The following PDE7B variants were observed in gnomAD, a reference collection of about 807,000 sequenced individuals.
The protein encoded by PDE7B is 3',5'-cyclic-AMP phosphodiesterase 7B.
PDE7B carries 29 observed loss-of-function variants against 56.2 expected under a neutral mutation model. That is an observed-to-expected ratio of 0.52 (90% CI 0.38 to 0.70). The LOEUF (loss-of-function observed/expected upper bound fraction) is 0.70, where lower values mean the gene tolerates loss of function less well. Among genes scored for constraint, PDE7B ranks in the 30% least tolerant of loss-of-function variants. The probability of loss-of-function intolerance (pLI) is 0.00; values close to 1 mark genes in which losing one functional copy is unlikely to be tolerated. For missense variants in PDE7B, 490 were observed against 565.0 expected, an observed-to-expected ratio of 0.87 and a Z score of 1.35; for synonymous variants, 197 against 196.9, an observed-to-expected ratio of 1.00 and a Z score of 0.00.
intron 1 of PDE7B, among the ~76,000 whole-genome samples, chr6:135,863,229 A>G (rs1408360373): frequency 6.6e-6 from 1 of 151,990 alleles, no homozygotes; most frequent in Non-Finnish European, 1.5e-5. Flanking sequence ...TCTATTACTG[A>G]AAGAGGTATA....
chr6:136,173,473 ACTTT>A (rs1271593016), intron 8 of PDE7B, among the ~76,000 whole-genome samples: 1 of 152,196 alleles, frequency 6.6e-6, no homozygotes, highest in African/African-American at 2.4e-5. Context: ...TCACTGCTTC[ACTTT>A]CTTTCTTACA....
At position 136,193,985 on chromosome 6, in the gene PDE7B, T is replaced by TC; in HGVS notation, c.*2146dup. 1 of 152,308 alleles carries TC rather than the reference T, an allele frequency of 6.6e-6. No homozygotes were observed. The highest frequency in any genetic ancestry group is 2.4e-5 in the African/African-American group (1 of 41,578). The allele number at this position is 152,308 out of a possible 1,614,324, so 9.4% of individuals were successfully genotyped here. A position where few individuals can be genotyped will look rare whatever the true frequency, so the allele number is the denominator to read the frequency against. ...TTAACACTAGCTTTGTATTTTTTTT[T>TC]CTGTAAAACTGTGAACTGATATATT... On this transcript the variant is annotated 3_prime_UTR_variant, in exon 13 of 13. Transcript: ENST00000308191.
intron 2 of PDE7B, among the ~76,000 whole-genome samples, chr6:136,010,987 T>C (rs1180303279): frequency 2.6e-5 from 4 of 152,174 alleles, no homozygotes; most frequent in African/African-American, 9.6e-5. Flanking sequence ...TGCTCTCTAG[T>C]CAACTGTTGA....
At chr6:136,007,975 C>A in intron 2 of PDE7B, among the ~76,000 whole-genome samples, 1 of 151,100 alleles carries the variant, frequency 6.6e-6, no homozygotes, top group Non-Finnish European at 1.5e-5. Context: ...TAATGCTATC[C>A]CTCCCCCATC....
intron 2 of PDE7B, among the ~76,000 whole-genome samples, chr6:136,072,340 G>A (rs1202612220): frequency 6.6e-6 from 1 of 152,128 alleles, no homozygotes. Context: ...ATAGCTCATG[G>A]CATAGCTGAT....
intron 2 of PDE7B, among the ~76,000 whole-genome samples, chr6:136,007,484 A>G (rs1235607203): frequency 2.0e-5 from 3 of 152,044 alleles, no homozygotes; most frequent in African/African-American, 7.2e-5. Context: ...TTGGTATAAC[A>G]TACAGGAAGG....
At chr6:135,949,800 C>T (rs1345222082) in intron 2 of PDE7B, among the ~76,000 whole-genome samples, 2 of 151,920 alleles carry the variant, frequency 1.3e-5, no homozygotes, top group African/African-American at 4.8e-5. Context: ...TTTCAGGACA[C>T]ATAGGAATAA....
chr6:135,885,132 A>G (rs1775679435), intron 1 of PDE7B, among the ~76,000 whole-genome samples: 1 of 151,926 alleles, frequency 6.6e-6, no homozygotes, highest in South Asian at 2.1e-4. Context: ...ATTCTTCTCT[A>G]TTTCAGAGTC....
intron 1 of PDE7B, among the ~76,000 whole-genome samples, chr6:135,881,416 G>A (rs1412988945): frequency 3.7e-4 from 57 of 152,112 alleles, no homozygotes; most frequent in Non-Finnish European, 7.4e-5. Context: ...GCTGAGGCAG[G>A]AGAATCACTT....
intron 3 of PDE7B, among the ~76,000 whole-genome samples, chr6:136,138,217 T>C (rs962657696): frequency 1.3e-5 from 2 of 152,120 alleles, no homozygotes; most frequent in African/African-American, 4.8e-5. Context: ...ATCATTTACG[T>C]TTCTACCCAG....
At chr6:135,899,032 G>C (rs749477811) in intron 1 of PDE7B, among the ~76,000 whole-genome samples, 1 of 152,094 alleles carries the variant, frequency 6.6e-6, no homozygotes, top group Non-Finnish European at 1.5e-5. Context: ...TCATGGTAGT[G>C]AATAAGTCTC....
chr6:136,113,346 T>C (rs1257114628), intron 3 of PDE7B, among the ~76,000 whole-genome samples: 1 of 152,228 alleles, frequency 6.6e-6, no homozygotes, highest in African/African-American at 2.4e-5. Flanking sequence ...AGAAAATCAT[T>C]TTCATAAGAG....
At chr6:136,179,494 C>T (rs1291397081) in intron 10 of PDE7B, among the ~76,000 whole-genome samples, 1 of 152,116 alleles carries the variant, frequency 6.6e-6, no homozygotes, top group African/African-American at 2.4e-5. Context: ...ATAAGTGGTT[C>T]CCAACTAAGC....
At chr6:135,924,291 AATAGAT>A (rs991351952) in intron 1 of PDE7B, among the ~76,000 whole-genome samples, 3 of 152,242 alleles carry the variant, frequency 2.0e-5, no homozygotes, top group Non-Finnish European at 4.4e-5. Context: ...GATGTAGAGA[AATAGAT>A]ATAGTCTATC....
chr6:135,888,050 A>G (rs1775740139), intron 1 of PDE7B, among the ~76,000 whole-genome samples: 1 of 152,078 alleles, frequency 6.6e-6, no homozygotes, highest in South Asian at 2.1e-4. Flanking sequence ...AATTCTCTCC[A>G]ACTATAGTAC....
intron 2 of PDE7B, among the ~76,000 whole-genome samples, chr6:136,067,182 C>T (rs2128213443): frequency 6.6e-6 from 1 of 152,244 alleles, no homozygotes; most frequent in Admixed American, 6.5e-5. Flanking sequence ...GTAGGAATTC[C>T]TCCACACATT....
chr6:135,905,109 A>C (rs1013028937), intron 1 of PDE7B, among the ~76,000 whole-genome samples: 1 of 152,210 alleles, frequency 6.6e-6, no homozygotes, highest in Non-Finnish European at 1.5e-5. Flanking sequence ...TCTGCAAATT[A>C]TGTGGCCACT....
At chr6:135,906,827 T>TTTTTTTTTTTTTTTTTTTTTTTTTG (rs1554265693) in intron 1 of PDE7B, among the ~76,000 whole-genome samples, 11 of 133,542 alleles carry the variant, frequency 8.2e-5, no homozygotes, top group Non-Finnish European at 1.8e-4. Flanking sequence ...TTTTTTTTTT[T>TTTTTTTTTTTTTTTTTTTTTTTTTG]TTTTTTTTTA....
intron 3 of PDE7B, among the ~76,000 whole-genome samples, chr6:136,125,054 G>A (rs1313342291): frequency 6.6e-6 from 1 of 152,092 alleles, no homozygotes; most frequent in Non-Finnish European, 1.5e-5. Context: ...AAATTATAGG[G>A]TGTGACTAGA....
Sources: gnomAD v4.1 joint callset for allele counts (sites outside exome capture counted in the v4.1 genomes callset) on GRCh38, gnomAD v4.1.1 for gene constraint, MANE v1.5 for transcripts, NCBI Gene and HGNC (gene_info 2026-07-23, HGNC 2026-07-21) for gene names.